Variants in NDUFAF6 observed in about 807,000 individuals in gnomAD.
The protein encoded by NDUFAF6 is NADH dehydrogenase (ubiquinone) complex I, assembly factor 6.
A neutral mutation model predicts 40.8 loss-of-function variants in NDUFAF6; 45 were observed. The ratio of observed to expected loss-of-function variants is 1.10; its 90% CI spans 0.87 to 1.42. NDUFAF6 has a LOEUF of 1.42. Ranked by LOEUF, NDUFAF6 falls within the 40% of genes most tolerant of loss-of-function variation. The pLI, the probability that NDUFAF6 is intolerant of heterozygous loss-of-function variation, is 0.00. For synonymous variants in NDUFAF6, 185 were observed against 155.9 expected (o/e 1.19, Z -1.39); for missense variants, 435 against 418.5 (o/e 1.04, Z -0.34).
In NDUFAF6 at chr8:95,032,855, CTG is replaced by C. The variant is rs1259424072; in HGVS notation, c.297+764_297+765del. 2.6e-5 allele frequency among the ~76,000 whole-genome samples: 4 copies of C among 152,258 alleles called. No individual in the cohort carries two copies. The East Asian group carries it at 5.8e-4, about 22-fold the overall frequency. ...ACCGAGGCACAACTGAGATTCACAA[CTG>C]TGAGTCTGTAGAGAGTCTAATAGAC... On this transcript the variant is annotated intron_variant, in intron 2 of 8. Coordinates refer to ENST00000396124, the MANE Select transcript of NDUFAF6 (RefSeq NM_152416.4).
chr8:94,979,223 G>C (rs1277091935), intron 1 of NDUFAF6, among the ~76,000 whole-genome samples: 3 of 151,978 alleles, frequency 2.0e-5, no homozygotes, highest in Non-Finnish European at 4.4e-5. Flanking sequence ...TTTTCTTTTT[G>C]ATGGTGTGGG....
chr8:95,047,595 C>T (rs1395056903), intron 6 of NDUFAF6, among the ~76,000 whole-genome samples: 13 of 150,564 alleles, frequency 8.6e-5, no homozygotes, highest in South Asian at 2.1e-4. Flanking sequence ...CTGCAACCTC[C>T]GCCTCCTGGG....
At chr8:95,061,360 G>A (rs1832567390), downstream of NDUFAF6, among the ~76,000 whole-genome samples, 1 of 152,060 alleles carries the variant, frequency 6.6e-6, no homozygotes, top group South Asian at 2.1e-4. Context: ...TGGCTTAATC[G>A]ATTGCCTTGT....
intron 2 of NDUFAF6, among the ~76,000 whole-genome samples, chr8:95,003,210 G>A (rs980285035): frequency 6.6e-6 from 1 of 152,208 alleles, no homozygotes; most frequent in African/African-American, 2.4e-5. Flanking sequence ...AGGAGGGGCC[G>A]TGGAGGAAGA....
rs991632305 is a variant in NDUFAF6, at chr8:95,075,961, G to C, written c.*840G>C. 3.7e-5 allele frequency: 11 copies of C among 299,660 alleles called. No homozygotes were observed. In the East Asian group the frequency reaches 9.4e-4, roughly 26 times the overall value. 18.6% of individuals were successfully genotyped at this position (299,660 alleles called of 1,614,324 possible). On this transcript the variant is annotated 3_prime_UTR_variant and NMD_transcript_variant, in exon 10 of 10. Coordinates refer to the NDUFAF6 transcript ENST00000520757. Reference sequence around the variant, plus strand: ...CCACTTTGCTGGAATCTCCCAGAAGGCTGGTGGGGTGGACTCCGGGGCTTT... The same window carrying C: ...CCACTTTGCTGGAATCTCCCAGAAGCCTGGTGGGGTGGACTCCGGGGCTTT...
intron 1 of NDUFAF6, among the ~76,000 whole-genome samples, chr8:94,913,392 C>T (rs1473436496): frequency 6.6e-6 from 1 of 152,206 alleles, no homozygotes; most frequent in African/African-American, 2.4e-5. Context: ...GCTCAAAGCC[C>T]ACCATTGACT....
chr8:95,106,260 G>A (rs1387021096), downstream of NDUFAF6, among the ~76,000 whole-genome samples: 2 of 147,336 alleles, frequency 1.4e-5, no homozygotes, highest in Non-Finnish European at 1.5e-5. Context: ...GGGCAACAGA[G>A]CAAGACTCCA....
rs1023631947 is a variant in NDUFAF6, at chr8:94,997,200, C to T, written c.-84+16227C>T. On this transcript the variant is annotated intron_variant, in intron 2 of 9. Transcript: ENST00000396111. Reference sequence around the variant, plus strand: ...AATGGGGAGAGCTCCCTGTGTTTTCCGGCTGGCTTGTGCAGCCACAGTGCA... The same window carrying T: ...AATGGGGAGAGCTCCCTGTGTTTTCTGGCTGGCTTGTGCAGCCACAGTGCA... 3.3e-5 allele frequency among the ~76,000 whole-genome samples: 5 copies of T among 151,908 alleles called. No homozygotes were observed. In the South Asian group the frequency reaches 6.2e-4, roughly 19 times the overall value.
intron 2 of NDUFAF6, among the ~76,000 whole-genome samples, chr8:95,018,204 T>TA (rs1827546800): frequency 2.8e-5 from 1 of 35,742 alleles, no homozygotes; most frequent in Admixed American, 3.6e-4. Context: ...CATGCTTGGC[T>TA]ATTTTTTTTT....
intron 1 of NDUFAF6, among the ~76,000 whole-genome samples, chr8:94,921,581 C>T (rs1216173584): frequency 6.6e-6 from 1 of 152,186 alleles, no homozygotes; most frequent in Non-Finnish European, 1.5e-5. Context: ...CTTCTTTACT[C>T]AATGTTTTTC....
intron 9 of NDUFAF6, among the ~76,000 whole-genome samples, chr8:95,074,741 C>T (rs541472326): frequency 3.9e-5 from 6 of 152,306 alleles, no homozygotes; most frequent in African/African-American, 1.4e-4. Flanking sequence ...CCTCTCCACT[C>T]TCACTGCTGT....
upstream of NDUFAF6, among the ~76,000 whole-genome samples, chr8:95,023,704 G>C (rs1827794664): frequency 6.6e-6 from 1 of 152,126 alleles, no homozygotes; most frequent in South Asian, 2.1e-4. Context: ...AGTACCAAAG[G>C]AAGCCAACAT....
At chr8:95,035,377 A>C in intron 2 of NDUFAF6, 77 bp from the exon 3 acceptor site, 3 of 1,527,542 alleles carry the variant, frequency 2.0e-6, no homozygotes, top group Non-Finnish European at 2.7e-6. Flanking sequence ...ACATTAACTC[A>C]AAAAATTCCC....
At chr8:95,112,649 C>T (rs540268312) in intron 4 of NDUFAF6, among the ~76,000 whole-genome samples, 4 of 152,252 alleles carry the variant, frequency 2.6e-5, no homozygotes, top group African/African-American at 9.6e-5. Flanking sequence ...CACCATAAAC[C>T]ATTAAGATCC....
upstream of NDUFAF6, among the ~76,000 whole-genome samples, chr8:95,022,137 A>G (rs1827715811): frequency 1.3e-5 from 2 of 152,228 alleles, no homozygotes; most frequent in Non-Finnish European, 2.9e-5. Flanking sequence ...AAGATGAACT[A>G]TAATGCTGTA....
upstream of NDUFAF6, among the ~76,000 whole-genome samples, chr8:95,097,463 T>C (rs965592769): frequency 3.9e-5 from 6 of 152,144 alleles, no homozygotes; most frequent in African/African-American, 1.4e-4. Flanking sequence ...TTTGGGAGAC[T>C]GAGGCGGGTG....
intron 8 of NDUFAF6, among the ~76,000 whole-genome samples, chr8:95,053,933 T>TTA (rs1257225628): frequency 8.7e-5 from 11 of 126,970 alleles, no homozygotes; most frequent in Non-Finnish European, 1.5e-4. Context: ...GGCTTTTTTT[T>TTA]TTTTTTTTTT....
chr8:94,922,459 C>G (rs1359050928), intron 1 of NDUFAF6, among the ~76,000 whole-genome samples: 1 of 149,152 alleles, frequency 6.7e-6, no homozygotes, highest in Non-Finnish European at 1.5e-5. Flanking sequence ...CACAACAGAC[C>G]TACTGGATTA....
At chr8:95,072,850 G>C (rs1386403408) in intron 9 of NDUFAF6, 1 of 155,114 alleles carries the variant, frequency 6.4e-6, no homozygotes, top group African/African-American at 2.4e-5. Context: ...CAGGCAGCAA[G>C]AAAGTGGTAC....
Sources: gnomAD v4.1 joint callset for allele counts (sites outside exome capture counted in the v4.1 genomes callset) on GRCh38, gnomAD v4.1.1 for gene constraint, MANE v1.5 for transcripts, NCBI Gene and HGNC (gene_info 2026-07-23, HGNC 2026-07-21) for gene names.